The following ARHGAP21 variants were observed in gnomAD, a reference collection of about 807,000 sequenced individuals.
ARHGAP21 encodes the protein rho GTPase-activating protein 21.
In ARHGAP21, 38 loss-of-function variants were observed where a neutral mutation model predicts 164.6. That is an observed-to-expected ratio of 0.23 (90% CI 0.18 to 0.30). The LOEUF (loss-of-function observed/expected upper bound fraction) is 0.30. Among genes scored for constraint, ARHGAP21 ranks in the 10% least tolerant of loss-of-function variants. The probability of loss-of-function intolerance (pLI) is 1.00; values close to 1 mark genes in which losing one functional copy is unlikely to be tolerated. For missense variants in ARHGAP21, 1,822 were observed against 2,370.7 expected (o/e 0.77, Z 4.81); for synonymous variants, 766 against 857.9 (o/e 0.89, Z 1.87).
chr10:24,611,217 C>A (rs1228146950), intron 9 of ARHGAP21, among the ~76,000 whole-genome samples: 1 of 152,126 alleles, frequency 6.6e-6, no homozygotes, highest in East Asian at 1.9e-4. Flanking sequence ...GCGAGAACCA[C>A]GCAGTCAGGG....
At chr10:24,680,259 G>A (rs554588806) in intron 2 of ARHGAP21, among the ~76,000 whole-genome samples, 1 of 152,056 alleles carries the variant, frequency 6.6e-6, no homozygotes, top group Non-Finnish European at 1.5e-5. Context: ...CCCCGTAACA[G>A]CTTTTTGATC....
At chr10:24,641,672 T>C (rs1837033549) in intron 4 of ARHGAP21, among the ~76,000 whole-genome samples, 1 of 152,210 alleles carries the variant, frequency 6.6e-6, no homozygotes, top group Admixed American at 6.5e-5. Context: ...ATGCTAACCT[T>C]TCTTTCAACC....
chr10:24,655,696 C>T (rs1838752926), intron 4 of ARHGAP21, among the ~76,000 whole-genome samples: 1 of 138,662 alleles, frequency 7.2e-6, no homozygotes, highest in African/African-American at 2.7e-5. Context: ...TGTGAGGAGC[C>T]CCTCTGCCTG....
In ARHGAP21 at chr10:24,585,467, C is replaced by T. The variant is rs746707798; in HGVS notation, c.4822G>A (p.Val1608Met). ...CCCTTGCTCTCTGCCACGGATTGCACCTCAGGGCTCAGTCGACTGGAGTCC... is the reference window on the plus strand; with the variant it reads ...CCCTTGCTCTCTGCCACGGATTGCATCTCAGGGCTCAGTCGACTGGAGTCC... ...SLDSSRLSPEVQSVAESKGDE... is the reference protein window; with the variant it reads ...SLDSSRLSPEMQSVAESKGDE... Residue 1608 changes from valine to methionine, a missense_variant, in exon 26 of 26, where the codon GTG becomes ATG. By Grantham distance (21) the Val-to-Met change is conservative (BLOSUM62 1). Transcript: ENST00000396432. 1 of 1,614,090 alleles carries T rather than the reference C, an allele frequency of 6.2e-7. No individual in the cohort carries two copies. Among genetic ancestry groups the T allele is most frequent in the Non-Finnish European group, 8.5e-7 (1 of 1,180,028 alleles).
At chr10:24,601,339 C>T (rs1592974697) in intron 13 of ARHGAP21, among the ~76,000 whole-genome samples, 1 of 152,332 alleles carries the variant, frequency 6.6e-6, no homozygotes, top group East Asian at 1.9e-4. Flanking sequence ...CAATTGTATA[C>T]ATAACTAATT....
Position 24,607,819 on chromosome 10 carries a change from G to A in ARHGAP21, c.2507C>T (p.Pro836Leu). 6.2e-7 allele frequency: 1 copy of A among 1,614,104 alleles called. No homozygotes were observed. The highest frequency in any genetic ancestry group is 1.3e-5 in the African/African-American group (1 of 75,014). ...AVISASTSQV[P>L]SIATVPPCLT... ...GCAAGGAGGAACTGTTGCTATGGAGGGGACCTGAGAGGTAGAGGCTGATAT... is the reference window on the plus strand; with the variant it reads ...GCAAGGAGGAACTGTTGCTATGGAGAGGACCTGAGAGGTAGAGGCTGATAT... The change falls in exon 10 of 26, where the codon CCC becomes CTC. Residue 836 changes from proline to leucine, a missense_variant. Pro to Leu is a moderately conservative substitution (Grantham distance 98, BLOSUM62 -3). This residue lies in a region of ARHGAP21 where 1,090 missense variants were observed against 1,378.9 expected (regional missense o/e 0.79). Transcript: ENST00000396432.
At position 24,660,386 on chromosome 10, in the gene ARHGAP21, T is replaced by TA. The variant is rs56053080; in HGVS notation, c.268+6598dup. 1.9e-3 allele frequency among the ~76,000 whole-genome samples: 117 copies of TA among 60,092 alleles called. 3 individuals carry two copies. Among genetic ancestry groups the TA allele is most frequent in the East Asian group, 0.013 (23 of 1,714 alleles). The allele number at this position is 60,092 out of a possible 152,430, so 39.4% of individuals were successfully genotyped here. On this transcript the variant is annotated intron_variant, in intron 4 of 25. Transcript: ENST00000396432. Reference sequence around the variant, plus strand: ...GCACAGAGCAACACCCTCTCTCTCTTAAAAAAAAAAAAAAAAAAAAAAAAG... The same window carrying TA: ...GCACAGAGCAACACCCTCTCTCTCTTAAAAAAAAAAAAAAAAAAAAAAAAAG...
intron 2 of ARHGAP21, among the ~76,000 whole-genome samples, chr10:24,698,188 T>A (rs1052914874): frequency 1.3e-5 from 2 of 152,164 alleles, no homozygotes; most frequent in African/African-American, 4.8e-5. Flanking sequence ...GAATTAAACA[T>A]GGTACAACAC....
intron 2 of ARHGAP21, among the ~76,000 whole-genome samples, chr10:24,719,918 C>T (rs1424204114): frequency 1.3e-5 from 2 of 152,104 alleles, no homozygotes; most frequent in African/African-American, 4.8e-5. Flanking sequence ...AACATATATC[C>T]CCTTTATTTC....
At chr10:24,621,425 T>G in intron 8 of ARHGAP21, 56 bp from the exon 9 acceptor site, 1 of 1,448,856 alleles carries the variant, frequency 6.9e-7, no homozygotes, top group Non-Finnish European at 9.2e-7. Flanking sequence ...AATAATAATT[T>G]CCATTTTTAC....
chr10:24,584,962 G>A lies in ARHGAP21; in HGVS notation c.5327C>T (p.Pro1776Leu). Residue 1776 changes from proline to leucine, a missense_variant, in exon 26 of 26, where the codon CCT (proline) becomes CTT (leucine). Coordinates refer to ENST00000396432, the MANE Select transcript of ARHGAP21 (RefSeq NM_020824.4). ...CCCTACTCCAAACATGTCATCCGCAGGGGCTCTGGGTCTCAGTTTTAACCG... is the reference window on the plus strand; with the variant it reads ...CCCTACTCCAAACATGTCATCCGCAAGGGCTCTGGGTCTCAGTTTTAACCG... The part of the protein sequence containing the change: ...ADRLKLRPRA[P>L]ADDMFGVGNH... The A allele has an allele frequency of 6.2e-7, 1 of 1,613,904 alleles. No individual in the cohort carries two copies. Among genetic ancestry groups the A allele is most frequent in the Non-Finnish European group, 8.5e-7 (1 of 1,179,860 alleles).
At chr10:24,645,966 T>A (rs572779418) in intron 4 of ARHGAP21, among the ~76,000 whole-genome samples, 2 of 152,302 alleles carry the variant, frequency 1.3e-5, no homozygotes, top group East Asian at 3.9e-4. Flanking sequence ...TGCACAGCTA[T>A]CTGAAGGAAG....
intron 4 of ARHGAP21, among the ~76,000 whole-genome samples, chr10:24,639,649 C>A (rs924017657): frequency 6.6e-6 from 1 of 151,540 alleles, no homozygotes; most frequent in Non-Finnish European, 1.5e-5. Flanking sequence ...GGGGATAGGA[C>A]GAGAAACATG....
At chr10:24,654,566 T>C (rs918658146) in intron 4 of ARHGAP21, among the ~76,000 whole-genome samples, 2 of 152,166 alleles carry the variant, frequency 1.3e-5, no homozygotes, top group African/African-American at 4.8e-5. Context: ...TTACAAGGGA[T>C]GTGAAGGACC....
At chr10:24,592,598 A>G (rs967489144) in intron 21 of ARHGAP21, among the ~76,000 whole-genome samples, 2 of 152,156 alleles carry the variant, frequency 1.3e-5, no homozygotes, top group Non-Finnish European at 2.9e-5. Context: ...GCTTGAGCCC[A>G]GGAGTTCAAG....
At chr10:24,606,083 T>C (rs1396166233) in intron 11 of ARHGAP21, among the ~76,000 whole-genome samples, 1 of 152,106 alleles carries the variant, frequency 6.6e-6, no homozygotes, top group Non-Finnish European at 1.5e-5. Context: ...TTTGAATAAA[T>C]TAATTCCAGA....
chr10:24,637,054 T>C (rs150461224), intron 4 of ARHGAP21, among the ~76,000 whole-genome samples: 17 of 152,280 alleles, frequency 1.1e-4, no homozygotes, highest in African/African-American at 3.6e-4. Context: ...AAGATGGGCA[T>C]TATGATCCTA....
At chr10:24,666,921 T>C in intron 4 of ARHGAP21, 64 bp downstream of exon 4, 1 of 1,205,636 alleles carries the variant, frequency 8.3e-7, no homozygotes, top group South Asian at 1.3e-5. Flanking sequence ...TTAGTATCAC[T>C]TAAAGAACAG....
intron 2 of ARHGAP21, among the ~76,000 whole-genome samples, chr10:24,674,145 A>G (rs1840985123): frequency 6.6e-6 from 1 of 152,192 alleles, no homozygotes; most frequent in African/African-American, 2.4e-5. Flanking sequence ...CTGTAATCCC[A>G]GCACTTTGGG....
Sources: allele counts gnomAD v4.1 joint callset (sites outside exome capture counted in the v4.1 genomes callset), GRCh38; gene constraint gnomAD v4.1.1; regional missense constraint gnomAD v4.1.1; transcripts MANE v1.5; gene names NCBI Gene and HGNC (gene_info 2026-07-23, HGNC 2026-07-21).